KCND3: variants seen among roughly 807,000 people sequenced by gnomAD.
KCND3 encodes potassium voltage-gated channel subfamily D member 3.
In KCND3, 9 loss-of-function variants were observed where a neutral mutation model predicts 51.1. That is an observed-to-expected ratio of 0.18 (90% CI 0.11 to 0.31). The LOEUF (loss-of-function observed/expected upper bound fraction) is 0.31. Ranked by LOEUF, KCND3 falls within the 10% of genes least tolerant of loss-of-function variation. The pLI is 1.00. For synonymous variants in KCND3, 349 were observed against 368.0 expected (o/e 0.95, Z 0.59); for missense variants, 526 against 903.8 (o/e 0.58, Z 5.36).
intron 2 of KCND3, among the ~76,000 whole-genome samples, chr1:111,804,496 G>C (rs1665472103): frequency 6.6e-6 from 1 of 152,206 alleles, no homozygotes; most frequent in African/African-American, 2.4e-5. Flanking sequence ...CAGTGTGCAG[G>C]GAAGGGAACA....
intron 2 of KCND3, among the ~76,000 whole-genome samples, chr1:111,887,938 A>G (rs902994791): frequency 1.3e-5 from 2 of 152,268 alleles, no homozygotes; most frequent in African/African-American, 4.8e-5. Flanking sequence ...CTACAGGGAC[A>G]GCCCTGGAAA....
chr1:111,896,499 C>T (rs544763729), intron 2 of KCND3, among the ~76,000 whole-genome samples: 1 of 152,350 alleles, frequency 6.6e-6, no homozygotes, highest in Non-Finnish European at 1.5e-5. Context: ...ATGGTGCTGA[C>T]AGAAACTACG....
chr1:111,809,340 G>T, intron 2 of KCND3, among the ~76,000 whole-genome samples: 1 of 149,028 alleles, frequency 6.7e-6, no homozygotes, highest in East Asian at 2.0e-4. Flanking sequence ...ACAGAGTCTC[G>T]CTCTGTCCCC....
intron 2 of KCND3, among the ~76,000 whole-genome samples, chr1:111,789,500 T>A (rs1664742364): frequency 6.6e-6 from 1 of 152,126 alleles, no homozygotes; most frequent in Admixed American, 6.5e-5. Flanking sequence ...GCAGATGGGG[T>A]TGCAGAACCA....
At chr1:111,929,246 C>T (rs982754347) in intron 2 of KCND3, among the ~76,000 whole-genome samples, 4 of 152,124 alleles carry the variant, frequency 2.6e-5, no homozygotes, top group African/African-American at 9.7e-5. Flanking sequence ...CTGCATTCTG[C>T]CCCCCACAAC....
intron 2 of KCND3, among the ~76,000 whole-genome samples, chr1:111,854,448 A>G (rs1040020379): frequency 6.6e-6 from 1 of 152,086 alleles, no homozygotes; most frequent in African/African-American, 2.4e-5. Flanking sequence ...CTGTGGCTAG[A>G]GGGGCTTAGC....
chr1:111,940,379 A>G (rs1672458781), intron 2 of KCND3, among the ~76,000 whole-genome samples: 1 of 151,986 alleles, frequency 6.6e-6, no homozygotes, highest in African/African-American at 2.4e-5. Context: ...TCAAGTCTTT[A>G]ATCCATCTTG....
chr1:111,905,866 G>T (rs1353384787), intron 2 of KCND3, among the ~76,000 whole-genome samples: 1 of 152,206 alleles, frequency 6.6e-6, no homozygotes, highest in Non-Finnish European at 1.5e-5. Flanking sequence ...CTCCATGGGA[G>T]ATTCTAATGT....
chr1:111,979,258 C>T (rs1389856870), intron 2 of KCND3, among the ~76,000 whole-genome samples: 2 of 152,192 alleles, frequency 1.3e-5, no homozygotes, highest in Non-Finnish European at 2.9e-5. Context: ...CCAAGATACT[C>T]CACTTTGATG....
At chr1:111,807,022 G>A (rs1031172056) in intron 2 of KCND3, among the ~76,000 whole-genome samples, 10 of 152,314 alleles carry the variant, frequency 6.6e-5, no homozygotes, top group Middle Eastern at 3.4e-3. Flanking sequence ...AACATTCCCA[G>A]GTGACTAGCA....
At chr1:111,984,435 G>C (rs2102006502) in intron 1 of KCND3, among the ~76,000 whole-genome samples, 1 of 152,262 alleles carries the variant, frequency 6.6e-6, no homozygotes, top group South Asian at 2.1e-4. Context: ...TTTCTCTAAA[G>C]AGTTGCCAAA....
At chr1:111,882,311 T>C (rs1201033970) in intron 2 of KCND3, among the ~76,000 whole-genome samples, 1 of 152,126 alleles carries the variant, frequency 6.6e-6, no homozygotes, top group Non-Finnish European at 1.5e-5. Context: ...CGACTACAAA[T>C]ATGCTCGAGT....
intron 2 of KCND3, among the ~76,000 whole-genome samples, chr1:111,839,658 G>C (rs755892420): frequency 2.0e-5 from 3 of 152,198 alleles, no homozygotes; most frequent in Non-Finnish European, 4.4e-5. Flanking sequence ...CAAATGTGCC[G>C]GCACTAGGCC....
chr1:111,903,376 C>T (rs1268246460), intron 2 of KCND3, among the ~76,000 whole-genome samples: 2 of 152,188 alleles, frequency 1.3e-5, no homozygotes, highest in Admixed American at 1.3e-4. Flanking sequence ...TTCCAAATGT[C>T]CCTGCTAGCA....
chr1:111,904,408 C>T (rs1056384825), intron 2 of KCND3, among the ~76,000 whole-genome samples: 5 of 152,158 alleles, frequency 3.3e-5, no homozygotes, highest in Non-Finnish European at 7.4e-5. Context: ...GGCAGCTTTC[C>T]TAGCTGCTAT....
chr1:111,801,120 C>T (rs578050019), intron 2 of KCND3, among the ~76,000 whole-genome samples: 1 of 152,320 alleles, frequency 6.6e-6, no homozygotes, highest in South Asian at 2.1e-4. Flanking sequence ...GCACACATTC[C>T]TCAGAAAGGG....
Position 111,982,842 on chromosome 1 carries a change from G to T in KCND3, c.-72-44C>A. The stretch of plus-strand genomic sequence containing the variant: ...GAGAGAGAAGCGGTGAGTCCATATC[G>T]ACTGGCAGGTAAGAAATGGGACACA... On this transcript the variant is annotated intron_variant, in intron 1 of 7. Transcript: ENST00000302127. This position sits in a 1 kb window ranked among gnomAD's most constrained non-coding sequence, Gnocchi z 8.5. The T allele has an allele frequency of 1.4e-6, 2 of 1,389,246 alleles. No homozygotes were observed. The highest frequency in any genetic ancestry group is 2.0e-6 in the Non-Finnish European group (2 of 1,017,084). The allele number at this position is 1,389,246 out of a possible 1,614,324, so 86.1% of individuals were successfully genotyped here.
At chr1:111,914,272 TAA>T (rs144637961) in intron 2 of KCND3, among the ~76,000 whole-genome samples, 27 of 138,766 alleles carry the variant, frequency 1.9e-4, no homozygotes, top group Admixed American at 2.8e-4. Context: ...GAAAAAAGAT[TAA>T]AAAAAAAAAA....
chr1:111,849,276 A>G (rs960896623), intron 2 of KCND3, among the ~76,000 whole-genome samples: 7 of 152,240 alleles, frequency 4.6e-5, no homozygotes, highest in African/African-American at 1.4e-4. Context: ...AGCAGAAGAC[A>G]GAGGCTGTGA....
Sources: gnomAD v4.1 joint callset for allele counts (sites outside exome capture counted in the v4.1 genomes callset) on GRCh38, gnomAD v4.1.1 for gene constraint, Gnocchi (gnomAD v3.1) non-coding constraint, MANE v1.5 for transcripts, NCBI Gene and HGNC (gene_info 2026-07-23, HGNC 2026-07-21) for gene names.